CDH4: variants seen among roughly 807,000 people sequenced by gnomAD.
CDH4 encodes cadherin-4.
CDH4 carries 33 observed loss-of-function variants against 86.0 expected under a neutral mutation model. The observed-to-expected ratio is 0.38, with a 90% CI of 0.29 to 0.51. The LOEUF is 0.51. Ranked by LOEUF, CDH4 falls within the 20% of genes least tolerant of loss-of-function variation. The probability of loss-of-function intolerance (pLI) is 0.86; values close to 1 mark genes in which losing one functional copy is unlikely to be tolerated. For synonymous variants in CDH4, 555 were observed against 549.4 expected (o/e 1.01, Z -0.14); for missense variants, 1,114 against 1,307.4 (o/e 0.85, Z 2.28).
chr20:61,891,829 C>T (rs1984836073), intron 7 of CDH4, among the ~76,000 whole-genome samples: 1 of 152,238 alleles, frequency 6.6e-6, no homozygotes, highest in African/African-American at 2.4e-5. Context: ...CACCTTCAGG[C>T]AGTGTGACTG....
chr20:61,468,444 T>A (rs1430947999), intron 2 of CDH4, among the ~76,000 whole-genome samples: 1 of 152,202 alleles, frequency 6.6e-6, no homozygotes, highest in Admixed American at 6.5e-5. Flanking sequence ...GGTATATATA[T>A]TTTTGGGATA....
chr20:61,805,986 G>C (rs1980104598), intron 4 of CDH4, among the ~76,000 whole-genome samples: 1 of 152,242 alleles, frequency 6.6e-6, no homozygotes. Context: ...CCGCTGGGAG[G>C]TGGGTGCTTG....
At chr20:61,761,446 T>C (rs1354486733) in intron 3 of CDH4, among the ~76,000 whole-genome samples, 1 of 152,212 alleles carries the variant, frequency 6.6e-6, no homozygotes, top group Non-Finnish European at 1.5e-5. Flanking sequence ...GGCAGACTCC[T>C]ATGCAATCGA....
chr20:61,491,931 A>G (rs1196825367), intron 2 of CDH4, among the ~76,000 whole-genome samples: 1 of 149,666 alleles, frequency 6.7e-6, no homozygotes, highest in Non-Finnish European at 1.5e-5. Flanking sequence ...TGTTGCTGAT[A>G]CTGTTAGTGG....
At chr20:61,884,477 G>C (rs1249061659) in intron 7 of CDH4, among the ~76,000 whole-genome samples, 2 of 152,156 alleles carry the variant, frequency 1.3e-5, no homozygotes, top group East Asian at 1.9e-4. Context: ...GGTGAGCAGG[G>C]TGTTCAGGAG....
chr20:61,398,031 C>T (rs184645417), intron 2 of CDH4, among the ~76,000 whole-genome samples: 27 of 152,310 alleles, frequency 1.8e-4, no homozygotes, highest in Admixed American at 9.1e-4. Context: ...GCAAGCTTCA[C>T]CTGCGTGTCC....
chr20:61,413,297 C>G (rs1451175795), intron 2 of CDH4, among the ~76,000 whole-genome samples: 1 of 152,044 alleles, frequency 6.6e-6, no homozygotes, highest in Non-Finnish European at 1.5e-5. Context: ...CTTTGTACCT[C>G]CCACAGCTTC....
At chr20:61,324,897 G>A (rs940203215) in intron 2 of CDH4, among the ~76,000 whole-genome samples, 20 of 152,128 alleles carry the variant, frequency 1.3e-4, no homozygotes, top group South Asian at 2.1e-4. Flanking sequence ...TCGCTGGGAG[G>A]CCATCAAATA....
At chr20:61,291,017 G>C (rs2084317610) in intron 2 of CDH4, among the ~76,000 whole-genome samples, 1 of 152,018 alleles carries the variant, frequency 6.6e-6, no homozygotes, top group Non-Finnish European at 1.5e-5. Context: ...TTATTCTCTA[G>C]CTAGATCTTC....
At chr20:61,782,746 A>G (rs776271616) in intron 4 of CDH4, among the ~76,000 whole-genome samples, 12 of 152,216 alleles carry the variant, frequency 7.9e-5, no homozygotes, top group Non-Finnish European at 1.5e-4. Flanking sequence ...TGTGATGCTT[A>G]TGAAGTTGAG....
intron 2 of CDH4, among the ~76,000 whole-genome samples, chr20:61,667,291 G>A (rs560089374): frequency 1.3e-5 from 2 of 152,192 alleles, no homozygotes; most frequent in Non-Finnish European, 2.9e-5. Flanking sequence ...CGGAGCCCTC[G>A]ATGCACATCC....
In CDH4 at chr20:61,810,940, C is replaced by T. The variant is rs1980402970; in HGVS notation, c.577-33728C>T. ...CGGGGGCTGCAGGAGCCTGCAGAGC[C>T]TGCGTTATCCTGCACTGCAAATGAT... On this transcript the variant is annotated intron_variant, in intron 4 of 15. Coordinates refer to ENST00000614565, the MANE Select transcript of CDH4 (RefSeq NM_001794.5). This position sits in a 1 kb window ranked among gnomAD's most constrained non-coding sequence, Gnocchi z 4.3. 6.6e-6 allele frequency among the ~76,000 whole-genome samples: 1 copy of T among 152,216 alleles called. No homozygotes were observed. The highest frequency in any genetic ancestry group is 1.5e-5 in the Non-Finnish European group (1 of 68,046).
rs762993449 is a variant in CDH4 at position 61,254,845 on chromosome 20, C to G, written c.77C>G (p.Thr26Arg). The G allele has an allele frequency of 2.5e-6, 4 of 1,607,898 alleles. No individual in the cohort carries two copies. Among genetic ancestry groups the G allele is most frequent in the Middle Eastern group, 1.7e-4 (1 of 6,048 alleles). The change falls in exon 2 of 16, where the codon ACA (threonine) becomes AGA (arginine). Residue 26 changes from threonine to arginine, a missense_variant. Coordinates refer to ENST00000614565, the MANE Select transcript of CDH4 (RefSeq NM_001794.5). ...GALRAHNEDL[T>R]TRETCKAGFS... is the part of the protein sequence containing the mutation. ...TCTCAGGCCCATAATGAGGATCTTA[C>G]AACTAGAGAGACCTGCAAGGCTGGG...
chr20:61,258,691 C>G (rs771618016), intron 2 of CDH4, among the ~76,000 whole-genome samples: 3 of 152,246 alleles, frequency 2.0e-5, no homozygotes, highest in African/African-American at 7.2e-5. Flanking sequence ...CATGCTGGAA[C>G]AGCAGACAAG....
intron 4 of CDH4, among the ~76,000 whole-genome samples, chr20:61,841,921 C>T (rs911919748): frequency 2.6e-5 from 4 of 152,190 alleles, no homozygotes; most frequent in African/African-American, 4.8e-5. Flanking sequence ...TTTTCTATTA[C>T]GACATGAGAC....
chr20:61,850,356 G>A (rs150219104), intron 5 of CDH4, among the ~76,000 whole-genome samples: 32 of 152,324 alleles, frequency 2.1e-4, no homozygotes, highest in South Asian at 1.0e-3. Context: ...GTTGGCTGCC[G>A]ATGTCACTGA....
At position 61,565,222 on chromosome 20, in the gene CDH4, AGGTGGTGGT is replaced by A. The variant is rs1228602020; in HGVS notation, c.170-178329_170-178321del. Among the ~76,000 whole-genome samples, 33 of 10,706 alleles carry A rather than the reference AGGTGGTGGT, an allele frequency of 3.1e-3. 4 individuals are homozygous for A. The highest frequency in any genetic ancestry group is 0.17 in the Middle Eastern group (1 of 6). The allele number at this position is 10,706 out of a possible 152,430, so 7.0% of individuals were successfully genotyped here. A position where few individuals can be genotyped will look rare whatever the true frequency, so the allele number is the denominator to read the frequency against. ...TGGTGGTCGCGGTGCTCTCGGTGGT[AGGTGGTGGT>A]GGTGGTGGTGGCGGTGCTCTTGGTG... On this transcript the variant is annotated intron_variant, in intron 2 of 15. Coordinates refer to ENST00000614565, the MANE Select transcript of CDH4 (RefSeq NM_001794.5).
chr20:61,382,448 C>T (rs1402249200), intron 2 of CDH4, among the ~76,000 whole-genome samples: 1 of 152,216 alleles, frequency 6.6e-6, no homozygotes, highest in Non-Finnish European at 1.5e-5. Context: ...GAGTGGACCT[C>T]CCATGAGCAG....
intron 2 of CDH4, among the ~76,000 whole-genome samples, chr20:61,714,018 CTTTT>C (rs960115596): frequency 7.7e-6 from 1 of 129,634 alleles, no homozygotes; most frequent in Non-Finnish European, 1.6e-5. Flanking sequence ...ATTGTCTATT[CTTTT>C]TTTATTTTAT....
Sources: gnomAD v4.1 joint callset for allele counts (sites outside exome capture counted in the v4.1 genomes callset) on GRCh38, gnomAD v4.1.1 for gene constraint, Gnocchi (gnomAD v3.1) non-coding constraint, MANE v1.5 for transcripts, NCBI Gene and HGNC (gene_info 2026-07-23, HGNC 2026-07-21) for gene names.